Variants in TRAP1 observed in about 807,000 individuals in gnomAD.
The protein encoded by TRAP1 is TNF receptor associated protein 1.
TRAP1 carries 102 observed loss-of-function variants against 89.1 expected under a neutral mutation model. That is an observed-to-expected ratio of 1.15 (90% CI 0.98 to 1.35). The LOEUF is 1.35. Among genes scored for constraint, TRAP1 ranks in the 40% most tolerant of loss-of-function variants. The probability of loss-of-function intolerance (pLI) is 0.00; values close to 1 mark genes in which losing one functional copy is unlikely to be tolerated. For missense variants in TRAP1, 1,256 were observed against 945.3 expected (o/e 1.33, Z -4.31); for synonymous variants, 508 against 388.0 (o/e 1.31, Z -3.64).
intron 9 of TRAP1, among the ~76,000 whole-genome samples, chr16:3,673,141 C>A (rs1353877344): frequency 2.6e-5 from 4 of 152,212 alleles, no homozygotes; most frequent in East Asian, 1.9e-4. Context: ...CAGCAAAGAG[C>A]CCTCCGACCA....
At position 3,706,536 on chromosome 16, in the gene TRAP1, T is replaced by C. The variant is rs560452380; in HGVS notation, c.88+10885A>G. Among the ~76,000 whole-genome samples, 166 of 145,662 alleles carry C rather than the reference T, an allele frequency of 1.1e-3. 2 individuals are homozygous for C. The highest frequency in any genetic ancestry group is 3.9e-3 in the African/African-American group (152 of 39,190). ...GTGCAGTGGCACAATCACAGCTCAATGTAGCCTCAAACTCCTGGGCTCGAG... is the reference window on the plus strand; with the variant it reads ...GTGCAGTGGCACAATCACAGCTCAACGTAGCCTCAAACTCCTGGGCTCGAG... On this transcript the variant is annotated intron_variant, in intron 1 of 17. Coordinates refer to ENST00000246957, the MANE Select transcript of TRAP1 (RefSeq NM_016292.3).
Position 3,663,034 on chromosome 16 carries a change from C to G in TRAP1, c.1709-67G>C, listed in dbSNP as rs1017014978. 3.1e-6 allele frequency: 4 copies of G among 1,288,288 alleles called. No individual in the cohort carries two copies. In the Admixed American group the frequency reaches 6.5e-5, roughly 21 times the overall value. 79.8% of individuals were successfully genotyped at this position (1,288,288 alleles called of 1,614,324 possible). A position where few individuals can be genotyped will look rare whatever the true frequency, so the allele number is the denominator to read the frequency against. On this transcript the variant is annotated intron_variant, in intron 14 of 17. Coordinates refer to ENST00000246957, the MANE Select transcript of TRAP1 (RefSeq NM_016292.3). The stretch of plus-strand genomic sequence containing the variant: ...AACTCCCCGGCTTCCATGGGGGCCA[C>G]GCAGCATGCTTCCAGCTCCCACCTC...
At chr16:3,665,652 C>T (rs2050813999) in intron 12 of TRAP1, among the ~76,000 whole-genome samples, 1 of 152,182 alleles carries the variant, frequency 6.6e-6, no homozygotes, top group South Asian at 2.1e-4. Context: ...TCTGTGGCTC[C>T]CCAGCCCCCA....
chr16:3,663,425 TG>T lies in TRAP1; in HGVS notation c.1706del (p.Pro569GlnfsTer18), dbSNP rs747370614. 1.9e-6 allele frequency: 3 copies of T among 1,614,086 alleles called. No individual in the cohort carries two copies. The East Asian group carries it at 6.7e-5, about 36-fold the overall frequency. On this transcript the variant is annotated frameshift_variant and splice_region_variant, in exon 14 of 18. Coordinates refer to ENST00000246957, the MANE Select transcript of TRAP1 (RefSeq NM_016292.3). LOFTEE classifies it high-confidence loss of function. ...YKEEKFEDRS[P>X]AAECLSEKET... is the part of the protein sequence containing the mutation. ...GCCTAGAGAGCAGGGGATGCCGACCTGGGGACCTGTCCTCAAACTTCTCCTC... is the reference window on the plus strand; with the variant it reads ...GCCTAGAGAGCAGGGGATGCCGACCTGGGACCTGTCCTCAAACTTCTCCTC...
chr16:3,665,654 C>T (rs1055304283), intron 12 of TRAP1, among the ~76,000 whole-genome samples: 1 of 152,208 alleles, frequency 6.6e-6, no homozygotes, highest in Non-Finnish European at 1.5e-5. Flanking sequence ...TGTGGCTCCC[C>T]AGCCCCCAAC....
chr16:3,686,634 T>C (rs1352362003), intron 3 of TRAP1, among the ~76,000 whole-genome samples: 4 of 152,158 alleles, frequency 2.6e-5, no homozygotes, highest in African/African-American at 9.7e-5. Flanking sequence ...GGATTTTTAA[T>C]CAAGCCTGAA....
intron 1 of TRAP1, among the ~76,000 whole-genome samples, chr16:3,709,201 T>G (rs1236839844): frequency 7.8e-6 from 1 of 127,670 alleles, no homozygotes; most frequent in Non-Finnish European, 1.6e-5. Context: ...CACTCCAGCC[T>G]GGGCACCAAG....
intron 2 of TRAP1, among the ~76,000 whole-genome samples, chr16:3,690,537 C>T (rs1453675104): frequency 3.9e-5 from 6 of 152,188 alleles, no homozygotes; most frequent in Non-Finnish European, 8.8e-5. Context: ...CTGAGTTTCC[C>T]CTCCCGCTTC....
intron 6 of TRAP1, 157 bp from the exon 7 acceptor site, chr16:3,676,302 C>A (rs2050993056): frequency 4.2e-6 from 2 of 473,402 alleles, no homozygotes. Flanking sequence ...ACCACTCAGG[C>A]CATCACATGC....
chr16:3,671,726 T>C lies in TRAP1; in HGVS notation c.1231A>G (p.Ile411Val). Reference protein sequence around the residue: ...SRELLQESALIRKLRDVLQQR... With the variant: ...SRELLQESALVRKLRDVLQQR... ...TCCCCGCGGCCCGAGGCTCACCTGA[T>C]GAGTGCGCTCTCCTGCAGCAGCTCC... The change falls in exon 11 of 18, where the codon ATC (isoleucine) becomes GTC (valine). Residue 411 changes from isoleucine (I) to valine (V), a missense_variant. Coordinates refer to ENST00000246957, the MANE Select transcript of TRAP1 (RefSeq NM_016292.3). The C allele has an allele frequency of 6.2e-7, 1 of 1,612,892 alleles. No homozygotes were observed. The highest frequency in any genetic ancestry group is 1.1e-5 in the South Asian group (1 of 91,068).
intron 1 of TRAP1, among the ~76,000 whole-genome samples, chr16:3,700,475 T>C (rs1034018067): frequency 1.3e-5 from 2 of 151,418 alleles, no homozygotes; most frequent in Admixed American, 1.3e-4. Context: ...ACTTTTTTGT[T>C]TGTTTGTTTG....
intron 7 of TRAP1, among the ~76,000 whole-genome samples, chr16:3,675,700 T>C (rs970566254): frequency 6.6e-6 from 1 of 152,176 alleles, no homozygotes; most frequent in Non-Finnish European, 1.5e-5. Flanking sequence ...AGGGCCTCCC[T>C]GAGTGTCCAG....
intron 1 of TRAP1, among the ~76,000 whole-genome samples, chr16:3,716,748 A>T (rs1596765411): frequency 6.6e-6 from 1 of 152,218 alleles, no homozygotes; most frequent in South Asian, 2.1e-4. Flanking sequence ...GGGAAAGCAG[A>T]GGTTAGGGTC....
chr16:3,664,333 T>TG lies in TRAP1; in HGVS notation c.1509dup (p.Asn504GlnfsTer12), dbSNP rs754043164. 49 of 1,612,670 alleles carry TG rather than the reference T, an allele frequency of 3.0e-5. No individual in the cohort carries two copies. The South Asian group carries it at 3.9e-4, about 13-fold the overall frequency. On this transcript the variant is annotated frameshift_variant, in exon 13 of 18. Transcript: ENST00000246957. LOFTEE classifies it high-confidence loss of function. ...GGTGAGTGCTCTGCCAGGTGACGGTTGGGGGCGCACAGGTAGTAGATGTTG... is the reference window on the plus strand; with the variant it reads ...GGTGAGTGCTCTGCCAGGTGACGGTTGGGGGGCGCACAGGTAGTAGATGTTG...
chr16:3,662,358 C>T (rs1190602281), intron 15 of TRAP1: 1 of 609,874 alleles, frequency 1.6e-6, no homozygotes, highest in East Asian at 2.8e-5. Context: ...ACCCTGGTGC[C>T]CCGCTGCTGC....
Position 3,672,632 on chromosome 16 carries a change from G to A in TRAP1, c.1165+68C>T, listed in dbSNP as rs569997381. The A allele has an allele frequency of 1.6e-5, 25 of 1,531,168 alleles. No individual in the cohort carries two copies. The South Asian group carries it at 3.2e-4, about 19-fold the overall frequency. The allele number at this position is 1,531,168 out of a possible 1,614,324, so 94.8% of individuals were successfully genotyped here. A position where few individuals can be genotyped will look rare whatever the true frequency, so the allele number is the denominator to read the frequency against. Reference sequence around the variant, plus strand: ...GGCTGCTGAGAATGGAATCAGCACGGTCCCTCACAGATGCAGCGGGCGACA... The same window carrying A: ...GGCTGCTGAGAATGGAATCAGCACGATCCCTCACAGATGCAGCGGGCGACA... On this transcript the variant is annotated intron_variant, in intron 10 of 17. Transcript: ENST00000246957.
chr16:3,677,851 G>C, intron 5 of TRAP1, 193 bp from the exon 6 acceptor site: 1 of 613,246 alleles, frequency 1.6e-6, no homozygotes, highest in Non-Finnish European at 2.8e-6. Context: ...AGGACAACCA[G>C]CTGGCAGCAG....
intron 1 of TRAP1, among the ~76,000 whole-genome samples, chr16:3,708,713 G>A (rs1446100700): frequency 6.6e-6 from 1 of 151,960 alleles, no homozygotes; most frequent in East Asian, 2.0e-4. Context: ...CTACTTGTGA[G>A]GCTGAGGCGA....
intron 3 of TRAP1, among the ~76,000 whole-genome samples, chr16:3,686,482 T>A (rs991046889): frequency 6.6e-6 from 1 of 152,132 alleles, no homozygotes; most frequent in African/African-American, 2.4e-5. Context: ...ACCCAGCTAA[T>A]TGTTTTAAAA....
Sources: gnomAD v4.1 joint callset for allele counts (sites outside exome capture counted in the v4.1 genomes callset) on GRCh38, gnomAD v4.1.1 for gene constraint, MANE v1.5 for transcripts, NCBI Gene and HGNC (gene_info 2026-07-23, HGNC 2026-07-21) for gene names.